RSRP1: variants seen among roughly 807,000 people sequenced by gnomAD.
RSRP1 encodes arginine and serine rich protein 1.
A neutral mutation model predicts 33.0 loss-of-function variants in RSRP1; 37 were observed. The observed-to-expected ratio is 1.12, with a 90% CI of 0.86 to 1.48. The LOEUF is 1.48. RSRP1 is among the 40% of genes most tolerant of loss of function. The pLI, the probability that RSRP1 is intolerant of heterozygous loss-of-function variation, is 0.00. For missense variants in RSRP1, 402 were observed against 385.3 expected (o/e 1.04, Z -0.36); for synonymous variants, 167 against 158.7 (o/e 1.05, Z -0.40).
chr1:25,322,697 A>G (rs989987868), intron 1 of RSRP1, among the ~76,000 whole-genome samples: 4 of 120,482 alleles, frequency 3.3e-5, no homozygotes, highest in Admixed American at 3.3e-4. Flanking sequence ...ACAATTGTAC[A>G]TATTTAAAGT....
At chr1:25,246,327 A>C (rs1557486164) in intron 2 of RSRP1, 117 bp downstream of exon 2, 20 of 1,471,020 alleles carry the variant, frequency 1.4e-5, no homozygotes, top group Non-Finnish European at 1.1e-5. Context: ...TCCTCCAAAA[A>C]GATTTCGGGC....
rs1417248967 is a variant in RSRP1, at chr1:25,297,137, G to A, written c.-67+40841C>T. On this transcript the variant is annotated intron_variant, in intron 1 of 1. Transcript: ENST00000561867. Reference sequence around the variant, plus strand: ...ATGTCTTATTAAATTCCATCAATCTGGAGCAGTTTCTTCATCTTTCTTTAT... The same window carrying A: ...ATGTCTTATTAAATTCCATCAATCTAGAGCAGTTTCTTCATCTTTCTTTAT... Among the ~76,000 whole-genome samples the A allele has an allele frequency of 3.6e-5, 4 of 110,352 alleles. 2 individuals are homozygous for A. Among genetic ancestry groups the A allele is most frequent in the Non-Finnish European group, 8.6e-5 (4 of 46,706 alleles). 72.4% of individuals were successfully genotyped at this position (110,352 alleles called of 152,430 possible).
At chr1:25,336,844 G>T (rs1030439189) in intron 1 of RSRP1, among the ~76,000 whole-genome samples, 1 of 148,242 alleles carries the variant, frequency 6.7e-6, no homozygotes, top group African/African-American at 2.7e-5. Context: ...TTAAAAACAG[G>T]CTATAGATTG....
Position 25,283,250 on chromosome 1 carries a change from G to T in RSRP1, c.-66-36221C>A, listed in dbSNP as rs192468224. On this transcript the variant is annotated intron_variant, in intron 1 of 1. Transcript: ENST00000561867. ...ATCTAGGTGTAAATCTTGGCTGTAG[G>T]CCAGGCCCTGTGGCTCATGTCTGTA... 4.5e-3 allele frequency among the ~76,000 whole-genome samples: 600 copies of T among 132,490 alleles called. 81 individuals carry two copies. Among genetic ancestry groups the T allele is most frequent in the African/African-American group, 0.015 (585 of 38,934 alleles). The allele number at this position is 132,490 out of a possible 152,430, so 86.9% of individuals were successfully genotyped here.
At position 25,281,735 on chromosome 1, in the gene RSRP1, G is replaced by A. The variant is rs1003725543; in HGVS notation, c.-66-34706C>T. ...CTTGTTGTCAGAAGAAGTGCAAAGA[G>A]TTGAATCCTTCCTAATGCCCACTTC... On this transcript the variant is annotated intron_variant, in intron 1 of 1. Transcript: ENST00000561867. 3.5e-4 allele frequency among the ~76,000 whole-genome samples: 46 copies of A among 131,106 alleles called. 7 individuals are homozygous for A. The highest frequency in any genetic ancestry group is 1.1e-3 in the African/African-American group (44 of 38,342). 86.0% of individuals were successfully genotyped at this position (131,106 alleles called of 152,430 possible). A position where few individuals can be genotyped will look rare whatever the true frequency, so the allele number is the denominator to read the frequency against.
intron 1 of RSRP1, among the ~76,000 whole-genome samples, chr1:25,285,622 G>T (rs28368215): frequency 0.02 from 2,689 of 135,124 alleles, 386 homozygotes; most frequent in African/African-American, 0.063. Flanking sequence ...GCAGGAGGTG[G>T]ATATTGATTA....
In RSRP1 at chr1:25,288,058, TC is replaced by T. The variant is rs1201320382; in HGVS notation, c.-66-41030del. ...TTTGAGACAGGGTCTCACTCTGTTG[TC>T]CAGGCTGGAGTGAAGTGGCATGTTC... On this transcript the variant is annotated intron_variant, in intron 1 of 1. Transcript: ENST00000561867. Among the ~76,000 whole-genome samples the T allele has an allele frequency of 1.5e-5, 2 of 132,882 alleles. 1 individual carries two copies. The highest frequency in any genetic ancestry group is 5.1e-5 in the African/African-American group (2 of 38,932). The allele number at this position is 132,882 out of a possible 152,430, so 87.2% of individuals were successfully genotyped here.
chr1:25,297,314 G>C (rs1219703784), intron 1 of RSRP1, among the ~76,000 whole-genome samples: 1 of 96,336 alleles, frequency 1.0e-5, no homozygotes, highest in Non-Finnish European at 2.5e-5. Flanking sequence ...TATCATATCA[G>C]AAGACATGCT....
chr1:25,330,491 C>T lies in RSRP1; in HGVS notation c.-67+7487G>A, dbSNP rs751414868. ...ATGTAGTTGCATACAGAAAATGTGA[C>T]TGTGAATTAATTTTTCTAGGACTTT... On this transcript the variant is annotated intron_variant, in intron 1 of 1. Transcript: ENST00000561867. 4 of 133,060 alleles carry T rather than the reference C, an allele frequency of 3.0e-5. 1 individual carries two copies. The highest frequency in any genetic ancestry group is 7.1e-5 in the Non-Finnish European group (4 of 56,142). 8.2% of individuals were successfully genotyped at this position (133,060 alleles called of 1,614,324 possible). A position where few individuals can be genotyped will look rare whatever the true frequency, so the allele number is the denominator to read the frequency against.
At position 25,333,495 on chromosome 1, in the gene RSRP1, T is replaced by A. The variant is rs1428236610; in HGVS notation, c.-67+4483A>T. ...AGGTAGAGAAGACAAGTGTGGTGTGTATCACGGTCAGCAAAGAAGCCATGT... is the reference window on the plus strand; with the variant it reads ...AGGTAGAGAAGACAAGTGTGGTGTGAATCACGGTCAGCAAAGAAGCCATGT... On this transcript the variant is annotated intron_variant, in intron 1 of 1. Transcript: ENST00000561867. Among the ~76,000 whole-genome samples the A allele has an allele frequency of 1.6e-5, 2 of 128,788 alleles. 1 individual carries two copies. The highest frequency in any genetic ancestry group is 3.6e-5 in the Non-Finnish European group (2 of 55,466). 84.5% of individuals were successfully genotyped at this position (128,788 alleles called of 152,430 possible). A position where few individuals can be genotyped will look rare whatever the true frequency, so the allele number is the denominator to read the frequency against.
chr1:25,249,253 G>A (rs1024246168), upstream of RSRP1, among the ~76,000 whole-genome samples: 1 of 152,132 alleles, frequency 6.6e-6, no homozygotes, highest in Admixed American at 6.5e-5. Flanking sequence ...TGAGCTCTTG[G>A]TTATGAATAG....
intron 1 of RSRP1, among the ~76,000 whole-genome samples, chr1:25,286,287 A>G: frequency 7.4e-6 from 1 of 135,326 alleles, no homozygotes; most frequent in African/African-American, 2.6e-5. Flanking sequence ...CCAGAAGTTT[A>G]AGACCAGCCT....
At position 25,269,831 on chromosome 1, in the gene RSRP1, T is replaced by G. The variant is rs1317756914; in HGVS notation, c.-66-22802A>C. On this transcript the variant is annotated intron_variant, in intron 1 of 1. Coordinates refer to the RSRP1 transcript ENST00000561867. Reference sequence around the variant, plus strand: ...CGGGATCCTCTTGTCAAGCAGTCAGTCCCTGCTGCTTCCTTACTGGGGCAG... The same window carrying G: ...CGGGATCCTCTTGTCAAGCAGTCAGGCCCTGCTGCTTCCTTACTGGGGCAG... Among the ~76,000 whole-genome samples the G allele has an allele frequency of 2.3e-5, 3 of 132,518 alleles. 1 individual carries two copies. The highest frequency in any genetic ancestry group is 7.3e-5 in the Admixed American group (1 of 13,698). The allele number at this position is 132,518 out of a possible 152,430, so 86.9% of individuals were successfully genotyped here.
In RSRP1 at chr1:25,300,511, CA is replaced by C. The variant is rs59194477; in HGVS notation, c.-67+37466del. On this transcript the variant is annotated intron_variant, in intron 1 of 1. Coordinates refer to the RSRP1 transcript ENST00000561867. ...TGAGCAATGGAGCAAGACTCTGTCT[CA>C]AAAAAAAAAAAAAAAGGCCAGGCGC... Among the ~76,000 whole-genome samples the C allele has an allele frequency of 5.5e-3, 527 of 96,464 alleles. 66 individuals are homozygous for C. In the Middle Eastern group the frequency reaches 0.074, roughly 14 times the overall value. 63.3% of individuals were successfully genotyped at this position (96,464 alleles called of 152,430 possible).
In RSRP1 at chr1:25,305,758, G is replaced by A. The variant is rs543732042; in HGVS notation, c.-67+32220C>T. ...TGGGTCTACAGGCGCCCACCACCAC[G>A]CCCAGCTAATTTTTTGTGTTTTTAG... is the stretch of plus-strand genomic sequence containing the variant. On this transcript the variant is annotated intron_variant, in intron 1 of 1. Transcript: ENST00000561867. Among the ~76,000 whole-genome samples the A allele has an allele frequency of 6.2e-5, 8 of 129,942 alleles. 1 individual carries two copies. Among genetic ancestry groups the A allele is most frequent in the African/African-American group, 8.0e-5 (3 of 37,630 alleles). 85.2% of individuals were successfully genotyped at this position (129,942 alleles called of 152,430 possible).
chr1:25,244,368 A>G, intron 3 of RSRP1: 1 of 1,289,300 alleles, frequency 7.8e-7, no homozygotes, highest in South Asian at 1.2e-5. Flanking sequence ...ATGCACATGG[A>G]TCTACCAACA....
In RSRP1 at chr1:25,315,580, T is replaced by A. The variant is rs567193965; in HGVS notation, c.-67+22398A>T. ...GGCGTGATCTCAGCTCACTGCAAAC[T>A]CCACCTCCCAGGTTCACGCCGTTCT... is the stretch of plus-strand genomic sequence containing the variant. On this transcript the variant is annotated intron_variant, in intron 1 of 1. Transcript: ENST00000561867. 4.8e-5 allele frequency among the ~76,000 whole-genome samples: 6 copies of A among 123,796 alleles called. 1 individual carries two copies. The Middle Eastern group carries it at 0.013, about 260-fold the overall frequency. 81.2% of individuals were successfully genotyped at this position (123,796 alleles called of 152,430 possible).
At chr1:25,264,514 C>T (rs1490961428) in intron 1 of RSRP1, among the ~76,000 whole-genome samples, 1 of 149,016 alleles carries the variant, frequency 6.7e-6, no homozygotes, top group Non-Finnish European at 1.5e-5. Context: ...GGATGCAGGG[C>T]ACCAAGTCCC....
At chr1:25,300,367 C>T (rs1643290354) in intron 1 of RSRP1, among the ~76,000 whole-genome samples, 1 of 130,116 alleles carries the variant, frequency 7.7e-6, no homozygotes, top group Admixed American at 7.5e-5. Context: ...TAAAAATTGG[C>T]CAGGCATGGT....
Sources: gnomAD v4.1 joint callset for allele counts (sites outside exome capture counted in the v4.1 genomes callset) on GRCh38, gnomAD v4.1.1 for gene constraint, MANE v1.5 for transcripts, NCBI Gene and HGNC (gene_info 2026-07-23, HGNC 2026-07-21) for gene names.